Variants in ANKS1B observed in about 807,000 individuals in gnomAD.
ANKS1B encodes the protein ankyrin repeat and sterile alpha motif domain-containing protein 1B.
Under a neutral mutation model 148.3 loss-of-function variants are expected in ANKS1B, and 36 were observed. The ratio of observed to expected loss-of-function variants is 0.24; its 90% CI spans 0.19 to 0.32. The LOEUF (loss-of-function observed/expected upper bound fraction) is 0.32. ANKS1B is among the 10% of genes least tolerant of loss of function. ANKS1B has a pLI of 1.00. For missense variants in ANKS1B, 1,157 were observed against 1,542.6 expected (o/e 0.75, Z 4.19); for synonymous variants, 542 against 560.8 (o/e 0.97, Z 0.47).
chr12:99,780,110 C>T, intron 5 of ANKS1B, 138 bp from the exon 6 acceptor site: 2 of 622,408 alleles, frequency 3.2e-6, no homozygotes, highest in South Asian at 1.9e-5. Flanking sequence ...AAGTTCTACA[C>T]ACACACATAC....
chr12:98,859,675 T>C (rs994950935), intron 17 of ANKS1B, among the ~76,000 whole-genome samples: 6 of 152,216 alleles, frequency 3.9e-5, no homozygotes, highest in Non-Finnish European at 8.8e-5. Context: ...ATCAAATAGA[T>C]AATATATGAA....
intron 8 of ANKS1B, among the ~76,000 whole-genome samples, chr12:99,694,721 C>A (rs1249692686): frequency 1.3e-5 from 2 of 152,128 alleles, no homozygotes; most frequent in Non-Finnish European, 2.9e-5. Context: ...TCAACAAACA[C>A]ATACCAAAAA....
At chr12:99,286,852 T>C (rs1235375798) in intron 12 of ANKS1B, among the ~76,000 whole-genome samples, 2 of 152,020 alleles carry the variant, frequency 1.3e-5, no homozygotes, top group Non-Finnish European at 1.5e-5. Context: ...GAATGTTGTC[T>C]TGTGGTTTGG....
rs551051953 is a variant in ANKS1B at position 98,911,690 on chromosome 12, G to C, written c.2779-79554C>G. 3.9e-5 allele frequency among the ~76,000 whole-genome samples: 6 copies of C among 152,258 alleles called. No homozygotes were observed. In the South Asian group the frequency reaches 1.0e-3, roughly 26 times the overall value. Reference sequence around the variant, plus strand: ...GGCAAGGTCACAAGTCTGTTCTACAGCCACCGGGTGTGCTGGTCCTTTTAT... The same window carrying C: ...GGCAAGGTCACAAGTCTGTTCTACACCCACCGGGTGTGCTGGTCCTTTTAT... On this transcript the variant is annotated intron_variant, in intron 17 of 26. Transcript: ENST00000683438.
At chr12:99,212,592 A>T (rs1233321404) in intron 14 of ANKS1B, among the ~76,000 whole-genome samples, 1 of 152,154 alleles carries the variant, frequency 6.6e-6, no homozygotes, top group Non-Finnish European at 1.5e-5. Context: ...TACTCAATAA[A>T]TGTTCATTGA....
rs12305389 is a variant in ANKS1B, at chr12:99,779,465, T to C, written c.847+406A>G. ...CAAAAGTAAAATAATATCTGACTTA[T>C]GTTACTTCATAGGGTCATAGAAACC... On this transcript the variant is annotated intron_variant, in intron 6 of 26. Coordinates refer to ENST00000683438, the MANE Select transcript of ANKS1B (RefSeq NM_001352186.2). Among the ~76,000 whole-genome samples the C allele has an allele frequency of 7.1e-3, 1,075 of 152,314 alleles. 12 individuals carry two copies. Among genetic ancestry groups the C allele is most frequent in the African/African-American group, 0.025 (1,019 of 41,568 alleles).
At chr12:99,595,932 G>A (rs906127974) in intron 9 of ANKS1B, among the ~76,000 whole-genome samples, 2 of 151,806 alleles carry the variant, frequency 1.3e-5, no homozygotes, top group Non-Finnish European at 2.9e-5. Flanking sequence ...TTGGTTCATT[G>A]GCAAATGTTT....
chr12:98,815,182 A>G (rs2099129592), intron 19 of ANKS1B, among the ~76,000 whole-genome samples: 1 of 152,108 alleles, frequency 6.6e-6, no homozygotes, highest in African/African-American at 2.4e-5. Flanking sequence ...TCAAAAGCAA[A>G]CAAACTCCTT....
chr12:99,898,048 C>A (rs1247018375), intron 1 of ANKS1B, among the ~76,000 whole-genome samples: 1 of 152,014 alleles, frequency 6.6e-6, no homozygotes, highest in Non-Finnish European at 1.5e-5. Context: ...TAAATAGCAA[C>A]ACATATAAAG....
intron 20 of ANKS1B, among the ~76,000 whole-genome samples, chr12:98,802,011 A>C (rs77645874): frequency 0.04 from 6,158 of 152,296 alleles, 184 homozygotes; most frequent in East Asian, 0.13. Flanking sequence ...ACTCTGATTT[A>C]CATACTACGC....
intron 1 of ANKS1B, among the ~76,000 whole-genome samples, chr12:99,887,577 C>G (rs2092894842): frequency 6.6e-6 from 1 of 152,078 alleles, no homozygotes; most frequent in Non-Finnish European, 1.5e-5. Flanking sequence ...GTTTACTTCC[C>G]AGACTCTACC....
intron 14 of ANKS1B, among the ~76,000 whole-genome samples, chr12:99,191,948 A>G (rs2080776147): frequency 6.6e-6 from 1 of 152,196 alleles, no homozygotes; most frequent in Non-Finnish European, 1.5e-5. Context: ...CCTTACCAAC[A>G]TGGTGAAACC....
intron 10 of ANKS1B, among the ~76,000 whole-genome samples, chr12:99,450,155 A>C (rs1480670689): frequency 1.3e-5 from 2 of 152,110 alleles, no homozygotes; most frequent in Non-Finnish European, 2.9e-5. Context: ...ATTTCAGTCC[A>C]AGTCTGGAGG....
chr12:99,305,796 C>T (rs1007087956), intron 12 of ANKS1B, among the ~76,000 whole-genome samples: 5 of 152,126 alleles, frequency 3.3e-5, no homozygotes, highest in African/African-American at 1.2e-4. Flanking sequence ...TTCTATACTT[C>T]ATTAAAGGCT....
At chr12:98,833,619 GT>G (rs2099344634) in intron 17 of ANKS1B, among the ~76,000 whole-genome samples, 1 of 152,064 alleles carries the variant, frequency 6.6e-6, no homozygotes, top group Admixed American at 6.6e-5. Flanking sequence ...TTAGATGTAG[GT>G]GGTATATGTG....
At chr12:98,822,488 C>T (rs1050477569) in intron 19 of ANKS1B, among the ~76,000 whole-genome samples, 1 of 152,174 alleles carries the variant, frequency 6.6e-6, no homozygotes, top group Admixed American at 6.5e-5. Context: ...ACAAGCTGCT[C>T]AATGTCAACA....
rs372915791 is a variant in ANKS1B, at chr12:99,649,253, G to T, written c.1272+5814C>A. 16 of 1,482,668 alleles carry T rather than the reference G, an allele frequency of 1.1e-5. No homozygotes were observed. The African/African-American group carries it at 2.2e-4, about 21-fold the overall frequency. 91.8% of individuals were successfully genotyped at this position (1,482,668 alleles called of 1,614,324 possible). Reference sequence around the variant, plus strand: ...TAGGAAGAGAAAGGAGATCTTGCTGGTCTCACTGTCTTTGCTTATTTGTTC... The same window carrying T: ...TAGGAAGAGAAAGGAGATCTTGCTGTTCTCACTGTCTTTGCTTATTTGTTC... On this transcript the variant is annotated intron_variant, in intron 9 of 26. Transcript: ENST00000683438.
chr12:99,291,128 C>T (rs1602477703), intron 12 of ANKS1B, among the ~76,000 whole-genome samples: 1 of 152,050 alleles, frequency 6.6e-6, no homozygotes, highest in African/African-American at 2.4e-5. Flanking sequence ...AATCAAATCC[C>T]ATTTCCAATA....
At chr12:99,047,778 G>A (rs1227966727) in intron 17 of ANKS1B, among the ~76,000 whole-genome samples, 3 of 152,120 alleles carry the variant, frequency 2.0e-5, no homozygotes, top group African/African-American at 7.2e-5. Flanking sequence ...CAAAAGCTGT[G>A]AAAATTTATC....
Sources: allele counts gnomAD v4.1 joint callset (sites outside exome capture counted in the v4.1 genomes callset), GRCh38; gene constraint gnomAD v4.1.1; transcripts MANE v1.5; gene names NCBI Gene and HGNC (gene_info 2026-07-23, HGNC 2026-07-21).